The following ATXN2 variants were observed in gnomAD, a reference collection of about 807,000 sequenced individuals.
ATXN2 encodes ataxin 2.
In ATXN2, 37 loss-of-function variants were observed where a neutral mutation model predicts 138.6. The observed-to-expected ratio is 0.27, with a 90% confidence interval of 0.21 to 0.35. The LOEUF (loss-of-function observed/expected upper bound fraction) is 0.35, where lower values mean the gene tolerates loss of function less well. Among genes scored for constraint, ATXN2 ranks in the 10% least tolerant of loss-of-function variants. The probability of loss-of-function intolerance (pLI) is 1.00; values close to 1 mark genes in which losing one functional copy is unlikely to be tolerated. For synonymous variants in ATXN2, 549 were observed against 543.7 expected (o/e 1.01, Z -0.13); for missense variants, 1,216 against 1,480.3 (o/e 0.82, Z 2.93).
chr12:111,598,006 G>A lies in ATXN2; in HGVS notation c.251+778C>T, dbSNP rs1235961704. The A allele has an allele frequency of 4.2e-6, 5 of 1,196,616 alleles. No individual in the cohort carries two copies. In the African/African-American group the frequency reaches 7.9e-5, roughly 19 times the overall value. 74.1% of individuals were successfully genotyped at this position (1,196,616 alleles called of 1,614,324 possible). A position where few individuals can be genotyped will look rare whatever the true frequency, so the allele number is the denominator to read the frequency against. On this transcript the variant is annotated intron_variant, in intron 1 of 24. Coordinates refer to ENST00000673436, the MANE Select transcript of ATXN2 (RefSeq NM_001372574.1). This position sits in a 1 kb window ranked among gnomAD's most constrained non-coding sequence, Gnocchi z 4.5. ...GCGCCGGAGAGGTCTGGCGGGGGAA[G>A]GAGGAAGGCCGGGACGGGGCCGGGC...
At chr12:111,599,332 G>A (rs1190833080), upstream of ATXN2, 4 of 1,128,010 alleles carry the variant, frequency 3.5e-6, no homozygotes, top group Non-Finnish European at 2.2e-6. Context: ...AGGGAGGGGG[G>A]CCGGGGCCGG....
intron 1 of ATXN2, among the ~76,000 whole-genome samples, chr12:111,586,750 A>T (rs970814228): frequency 6.6e-6 from 1 of 151,372 alleles, no homozygotes; most frequent in Non-Finnish European, 1.5e-5. Context: ...CGAACTCCTG[A>T]CCTCAAGTGA....
intron 21 of ATXN2, 48 bp from the exon 22 acceptor site, chr12:111,457,407 C>T (rs1386343338): frequency 1.9e-6 from 3 of 1,551,274 alleles, no homozygotes; most frequent in East Asian, 2.3e-5. Flanking sequence ...GTCTGACAAC[C>T]TCCATCGCTC....
intron 6 of ATXN2, among the ~76,000 whole-genome samples, chr12:111,524,231 T>G (rs1207185126): frequency 6.6e-6 from 1 of 152,202 alleles, no homozygotes; most frequent in South Asian, 2.1e-4. Flanking sequence ...ATTACTAGAC[T>G]TTAGGTCAAA....
chr12:111,541,692 G>C (rs1225365743), intron 5 of ATXN2, among the ~76,000 whole-genome samples: 1 of 148,734 alleles, frequency 6.7e-6, no homozygotes, highest in Non-Finnish European at 1.5e-5. Flanking sequence ...TATGACTCTT[G>C]TGGAAAAAAA....
chr12:111,470,340 GA>G, intron 19 of ATXN2, 100 bp from the exon 20 acceptor site: 1 of 1,417,118 alleles, frequency 7.1e-7, no homozygotes, highest in Non-Finnish European at 9.6e-7. Context: ...CAGATTTCCA[GA>G]AACAGCTGTA....
chr12:111,467,120 G>C (rs1389769288), intron 20 of ATXN2, among the ~76,000 whole-genome samples: 2 of 151,730 alleles, frequency 1.3e-5, no homozygotes, highest in Non-Finnish European at 2.9e-5. Context: ...TGATGGCATA[G>C]AACAAAACAA....
chr12:111,527,972 G>T (rs1880593231), intron 5 of ATXN2, among the ~76,000 whole-genome samples: 1 of 152,132 alleles, frequency 6.6e-6, no homozygotes. Context: ...CCTACCTTAA[G>T]ATCCTGAAAT....
In ATXN2 at chr12:111,510,370, C is replaced by G; in HGVS notation, c.1756+15G>C. ...ACAGCTGAGATTATGGATCCAGAAG[C>G]CCTTTGTTACATACCCTCACTAGAA... On this transcript the variant is annotated intron_variant, in intron 12 of 24. Transcript: ENST00000673436. 2 of 1,609,482 alleles carry G rather than the reference C, an allele frequency of 1.2e-6. No individual in the cohort carries two copies. The highest frequency in any genetic ancestry group is 1.7e-6 in the Non-Finnish European group (2 of 1,176,866).
Position 111,485,258 on chromosome 12 carries a change from T to C in ATXN2, c.2524+7A>G, listed in dbSNP as rs1385093079. 4 of 1,609,084 alleles carry C rather than the reference T, an allele frequency of 2.5e-6. No individual in the cohort carries two copies. Among genetic ancestry groups the C allele is most frequent in the Non-Finnish European group, 2.6e-6 (3 of 1,176,376 alleles). On this transcript the variant is annotated splice_region_variant and intron_variant, in intron 18 of 24. Transcript: ENST00000673436. ...CTACAAGCAAACACAGGCAGGATTA[T>C]TCTCACCTTTACCTGCTCTATATGT...
chr12:111,468,588 T>C (rs939825520), intron 20 of ATXN2: 3 of 152,174 alleles, frequency 2.0e-5, no homozygotes, highest in Non-Finnish European at 4.4e-5. Flanking sequence ...CCAAGTCCTA[T>C]TCTCATTAAC....
At chr12:111,491,047 T>A (rs539792205) in intron 14 of ATXN2, among the ~76,000 whole-genome samples, 1 of 151,190 alleles carries the variant, frequency 6.6e-6, no homozygotes, top group Non-Finnish European at 1.5e-5. Context: ...AGGTCGGGAG[T>A]TCAAGACCAG....
At chr12:111,551,411 T>G (rs1882112853) in intron 5 of ATXN2, among the ~76,000 whole-genome samples, 1 of 152,188 alleles carries the variant, frequency 6.6e-6, no homozygotes, top group African/African-American at 2.4e-5. Flanking sequence ...AATTCCCACT[T>G]TGTTCATCAA....
intron 1 of ATXN2, among the ~76,000 whole-genome samples, chr12:111,562,720 C>CAAAA (rs34625134): frequency 1.4e-4 from 8 of 55,982 alleles, no homozygotes; most frequent in East Asian, 5.1e-4. Context: ...AACTCCATCT[C>CAAAA]AAAAAAAAAA....
chr12:111,582,190 C>T (rs1446478083), intron 1 of ATXN2, among the ~76,000 whole-genome samples: 1 of 151,970 alleles, frequency 6.6e-6, no homozygotes, highest in Admixed American at 6.6e-5. Context: ...AATTGTAGGG[C>T]GCAGACACTT....
chr12:111,577,092 C>T (rs1160641325), intron 1 of ATXN2, among the ~76,000 whole-genome samples: 6 of 151,870 alleles, frequency 4.0e-5, no homozygotes, highest in South Asian at 2.1e-4. Context: ...CAGTCGTGAG[C>T]CACTGCGCCT....
intron 1 of ATXN2, among the ~76,000 whole-genome samples, chr12:111,579,166 C>A (rs1287928596): frequency 6.6e-6 from 1 of 152,164 alleles, no homozygotes; most frequent in Non-Finnish European, 1.5e-5. Flanking sequence ...TAAACACTTG[C>A]CACAAAACCC....
intron 1 of ATXN2, among the ~76,000 whole-genome samples, chr12:111,583,776 A>AAC (rs1317044340): frequency 1.3e-5 from 2 of 149,666 alleles, no homozygotes; most frequent in Admixed American, 6.7e-5. Flanking sequence ...CAAAAAAAAA[A>AAC]AAAAAAAAAA....
intron 9 of ATXN2, 48 bp downstream of exon 9, chr12:111,518,201 G>C: frequency 6.9e-7 from 1 of 1,451,968 alleles, no homozygotes; most frequent in Non-Finnish European, 9.3e-7. Context: ...TAAGTATTTA[G>C]AAAACTATTT....
Sources: allele counts gnomAD v4.1 joint callset (sites outside exome capture counted in the v4.1 genomes callset), GRCh38; gene constraint gnomAD v4.1.1; non-coding constraint Gnocchi (gnomAD v3.1); transcripts MANE v1.5; gene names NCBI Gene and HGNC (gene_info 2026-07-23, HGNC 2026-07-21).